Variants in ASCC3 observed in about 807,000 individuals in gnomAD.
ASCC3 encodes the protein activating signal cointegrator 1 complex subunit 3.
Under a neutral mutation model 256.3 loss-of-function variants are expected in ASCC3, and 158 were observed. The observed-to-expected ratio is 0.62, with a 90% CI of 0.54 to 0.70. ASCC3 has a LOEUF of 0.70. Among genes scored for constraint, ASCC3 ranks in the 30% least tolerant of loss-of-function variants. The probability of loss-of-function intolerance (pLI) is 0.00; values close to 1 mark genes in which losing one functional copy is unlikely to be tolerated. For synonymous variants in ASCC3, 948 were observed against 883.4 expected, an observed-to-expected ratio of 1.07 and a Z score of -1.30; for missense variants, 2,259 against 2,626.0, an observed-to-expected ratio of 0.86 and a Z score of 3.05.
intron 37 of ASCC3, among the ~76,000 whole-genome samples, chr6:100,521,097 CTAAGT>C (rs1018174315): frequency 1.3e-5 from 2 of 152,010 alleles, no homozygotes; most frequent in African/African-American, 4.8e-5. Context: ...AACATTCTGC[CTAAGT>C]TATTGCACAT....
intron 13 of ASCC3, among the ~76,000 whole-genome samples, chr6:100,687,326 G>A (rs1436364147): frequency 1.3e-5 from 2 of 152,048 alleles, no homozygotes; most frequent in South Asian, 2.1e-4. Flanking sequence ...GTCTTGTATC[G>A]TTTGTCTTAC....
chr6:100,735,873 T>C (rs1197523140), intron 10 of ASCC3, among the ~76,000 whole-genome samples: 2 of 152,190 alleles, frequency 1.3e-5, no homozygotes, highest in South Asian at 2.1e-4. Context: ...TGAGCTTACA[T>C]ATTTAGGTGG....
At chr6:100,635,541 C>G (rs913724491) in intron 25 of ASCC3, among the ~76,000 whole-genome samples, 2 of 151,968 alleles carry the variant, frequency 1.3e-5, no homozygotes, top group African/African-American at 4.8e-5. Flanking sequence ...CAGTTAATAG[C>G]ACTGCATTAT....
chr6:100,848,366 C>G lies in ASCC3; in HGVS notation c.583G>C (p.Asp195His), dbSNP rs1323036794. 1.9e-6 allele frequency: 3 copies of G among 1,613,846 alleles called. No homozygotes were observed. Among genetic ancestry groups the G allele is most frequent in the Non-Finnish European group, 2.5e-6 (3 of 1,179,998 alleles). ...TGTTCATTCAGAAACTTCTTATAAT[C>G]TAGGCTTATAGTTTTCTGAGTTTCA... ...NGETQKTISLDYKKFLNEHLQ... is the reference protein window; with the variant it reads ...NGETQKTISLHYKKFLNEHLQ... Residue 195 changes from aspartate to histidine, a missense_variant, in exon 4 of 42, where the codon GAT (aspartate) becomes CAT (histidine). Around this residue, in one of 2 missense-constraint regions of ASCC3, gnomAD observed 420 missense variants for 419.3 expected, o/e 1.00. Coordinates refer to ENST00000369162, the MANE Select transcript of ASCC3 (RefSeq NM_006828.4).
chr6:100,587,565 G>A (rs530482319), intron 36 of ASCC3, among the ~76,000 whole-genome samples: 14 of 152,254 alleles, frequency 9.2e-5, no homozygotes, highest in East Asian at 1.9e-4. Context: ...AATATCTAGC[G>A]CAAGCTGAAA....
intron 34 of ASCC3, among the ~76,000 whole-genome samples, chr6:100,597,209 C>A (rs1264227893): frequency 6.6e-6 from 1 of 152,108 alleles, no homozygotes; most frequent in Non-Finnish European, 1.5e-5. Flanking sequence ...TGTTTTCCTT[C>A]TAAACATCTA....
intron 16 of ASCC3, among the ~76,000 whole-genome samples, chr6:100,657,896 G>T (rs1374101336): frequency 6.6e-6 from 1 of 151,444 alleles, no homozygotes; most frequent in African/African-American, 2.4e-5. Context: ...AAATGTATTT[G>T]TAAATATTTG....
intron 13 of ASCC3, among the ~76,000 whole-genome samples, chr6:100,705,326 G>T (rs536941441): frequency 5.9e-5 from 9 of 152,058 alleles, no homozygotes; most frequent in Non-Finnish European, 1.2e-4. Flanking sequence ...AAAACCCATG[G>T]AATAGTATGA....
intron 10 of ASCC3, among the ~76,000 whole-genome samples, chr6:100,759,443 A>C (rs1781332506): frequency 6.6e-6 from 1 of 152,148 alleles, no homozygotes; most frequent in Non-Finnish European, 1.5e-5. Flanking sequence ...GTCCAGTTTG[A>C]GTTTTCTGCA....
intron 4 of ASCC3, among the ~76,000 whole-genome samples, chr6:100,846,561 C>A (rs1237993225): frequency 6.6e-6 from 1 of 152,088 alleles, no homozygotes; most frequent in Non-Finnish European, 1.5e-5. Flanking sequence ...AGGCGCTCAG[C>A]CCTCACCTCC....
chr6:100,603,735 T>C (rs1772744064), intron 33 of ASCC3, among the ~76,000 whole-genome samples: 1 of 152,106 alleles, frequency 6.6e-6, no homozygotes, highest in Non-Finnish European at 1.5e-5. Context: ...ATGTGGTGAA[T>C]TATATCCATT....
At chr6:100,718,278 G>T in intron 11 of ASCC3, 27 bp from the exon 12 acceptor site, 1 of 1,531,956 alleles carries the variant, frequency 6.5e-7, no homozygotes, top group Non-Finnish European at 8.9e-7. Context: ...AATTAAATAT[G>T]GGTTATTTAA....
intron 29 of ASCC3, 109 bp from the exon 30 acceptor site, chr6:100,625,443 G>T: frequency 7.7e-7 from 1 of 1,307,038 alleles, no homozygotes; most frequent in Non-Finnish European, 1.1e-6. Flanking sequence ...AACAATTTAG[G>T]CATGAAATGT....
intron 37 of ASCC3, among the ~76,000 whole-genome samples, chr6:100,536,582 A>G (rs987151443): frequency 1.3e-5 from 2 of 152,100 alleles, no homozygotes; most frequent in Admixed American, 1.3e-4. Context: ...CCTGGGTTCA[A>G]GCAATTCTCT....
chr6:100,877,599 T>C (rs1026773048), intron 1 of ASCC3, among the ~76,000 whole-genome samples: 7 of 152,196 alleles, frequency 4.6e-5, no homozygotes, highest in African/African-American at 1.7e-4. Context: ...ATTTCTTACT[T>C]GTATTAAACC....
At chr6:100,768,270 T>A (rs1048551393) in intron 8 of ASCC3, among the ~76,000 whole-genome samples, 16 of 152,140 alleles carry the variant, frequency 1.1e-4, no homozygotes, top group African/African-American at 3.6e-4. Flanking sequence ...ATGGTGTAGG[T>A]ACTCTTATTA....
chr6:100,808,902 G>A (rs1770320339), intron 4 of ASCC3, among the ~76,000 whole-genome samples: 1 of 151,762 alleles, frequency 6.6e-6, no homozygotes, highest in Non-Finnish European at 1.5e-5. Context: ...ACTGAATACT[G>A]GAGTCCACTG....
At chr6:100,509,705 G>A (rs959149205) in intron 41 of ASCC3, among the ~76,000 whole-genome samples, 172 bp from the exon 42 acceptor site, 3 of 152,024 alleles carry the variant, frequency 2.0e-5, no homozygotes, top group Admixed American at 6.5e-5. Flanking sequence ...TGGAGACCAC[G>A]GTGAAACCCC....
intron 10 of ASCC3, among the ~76,000 whole-genome samples, chr6:100,761,467 G>T (rs1781419876): frequency 6.6e-6 from 1 of 152,162 alleles, no homozygotes. Flanking sequence ...CAGCCTTGGT[G>T]ACAGAGTGAG....
Sources: allele counts gnomAD v4.1 joint callset (sites outside exome capture counted in the v4.1 genomes callset), GRCh38; gene constraint gnomAD v4.1.1; regional missense constraint gnomAD v4.1.1; transcripts MANE v1.5; gene names NCBI Gene and HGNC (gene_info 2026-07-23, HGNC 2026-07-21).